The following KCNH7 variants were observed in gnomAD, a reference collection of about 807,000 sequenced individuals.
KCNH7 encodes the protein voltage-gated inwardly rectifying potassium channel KCNH7.
In KCNH7, 49 loss-of-function variants were observed where a neutral mutation model predicts 120.8. The observed-to-expected ratio is 0.41, with a 90% confidence interval of 0.32 to 0.51. The LOEUF (loss-of-function observed/expected upper bound fraction) is 0.51. Ranked by LOEUF, KCNH7 falls within the 20% of genes least tolerant of loss-of-function variation. The pLI, the probability that KCNH7 is intolerant of heterozygous loss-of-function variation, is 0.38. For missense variants in KCNH7, 1,097 were observed against 1,446.6 expected (o/e 0.76, Z 3.92); for synonymous variants, 547 against 516.1 (o/e 1.06, Z -0.81).
intron 2 of KCNH7, among the ~76,000 whole-genome samples, chr2:162,661,809 G>A (rs959162936): frequency 6.6e-6 from 1 of 152,306 alleles, no homozygotes; most frequent in African/African-American, 2.4e-5. Context: ...ACTGACAGAT[G>A]TTTCCAAAGA....
At chr2:162,542,232 C>A (rs1381863984) in intron 2 of KCNH7, among the ~76,000 whole-genome samples, 1 of 129,442 alleles carries the variant, frequency 7.7e-6, no homozygotes, top group Non-Finnish European at 1.7e-5. Flanking sequence ...CTTTTTTTTT[C>A]TTTGATGAGC....
chr2:162,469,206 A>G (rs952194815), intron 6 of KCNH7, among the ~76,000 whole-genome samples: 1 of 152,208 alleles, frequency 6.6e-6, no homozygotes, highest in Non-Finnish European at 1.5e-5. Context: ...TACTGTTATG[A>G]AATTTTATGC....
At chr2:162,630,452 G>A (rs1683725244) in intron 2 of KCNH7, among the ~76,000 whole-genome samples, 1 of 151,254 alleles carries the variant, frequency 6.6e-6, no homozygotes, top group Non-Finnish European at 1.5e-5. Flanking sequence ...GGAAGAAGAG[G>A]AATAAAAACT....
intron 2 of KCNH7, among the ~76,000 whole-genome samples, chr2:162,624,579 C>T (rs919420828): frequency 9.2e-5 from 14 of 152,102 alleles, no homozygotes; most frequent in African/African-American, 3.4e-4. Context: ...ACACTCTCAC[C>T]TATGTAAATT....
intron 6 of KCNH7, among the ~76,000 whole-genome samples, chr2:162,477,806 G>C (rs1689797220): frequency 7.0e-6 from 1 of 143,380 alleles, no homozygotes; most frequent in Admixed American, 7.0e-5. Flanking sequence ...ATAGCCTTCT[G>C]CCCAAACATC....
chr2:162,525,111 A>G (rs1691654115), intron 3 of KCNH7, among the ~76,000 whole-genome samples: 1 of 151,924 alleles, frequency 6.6e-6, no homozygotes, highest in Admixed American at 6.6e-5. Context: ...AAAGGAGCAG[A>G]TCCGATCGGT....
intron 5 of KCNH7, among the ~76,000 whole-genome samples, chr2:162,509,255 T>C (rs1690985316): frequency 2.0e-5 from 3 of 151,498 alleles, no homozygotes; most frequent in Admixed American, 1.3e-4. Flanking sequence ...TAAAGGAGAA[T>C]ATGTTTTTCT....
At chr2:162,421,269 T>C (rs1687701007) in intron 9 of KCNH7, among the ~76,000 whole-genome samples, 1 of 152,082 alleles carries the variant, frequency 6.6e-6, no homozygotes, top group South Asian at 2.1e-4. Flanking sequence ...TAGAAGATAA[T>C]GAAAGAGAAT....
In KCNH7 at chr2:162,765,100, C is replaced by CT. The variant is rs975296617; in HGVS notation, c.307+71436_307+71437insA. ...GGAGGAAAAAGAATACAAGAAGGCA[C>CT]AAAACAGAAGATCAAGCTGCTACTA... On this transcript the variant is annotated intron_variant, in intron 2 of 15. Transcript: ENST00000332142. Among the ~76,000 whole-genome samples, 47 of 151,996 alleles carry CT rather than the reference C, an allele frequency of 3.1e-4. 1 individual carries two copies. The highest frequency in any genetic ancestry group is 1.0e-3 in the African/African-American group (42 of 41,498).
chr2:162,751,817 T>C (rs768223725), intron 2 of KCNH7, among the ~76,000 whole-genome samples: 50 of 151,902 alleles, frequency 3.3e-4, no homozygotes, highest in Non-Finnish European at 5.9e-4. Context: ...TGATGTTATA[T>C]TTGCCTAAGA....
At chr2:162,697,380 A>C (rs1249995055) in intron 2 of KCNH7, among the ~76,000 whole-genome samples, 2 of 152,148 alleles carry the variant, frequency 1.3e-5, no homozygotes, top group Non-Finnish European at 2.9e-5. Context: ...CAACTATAAG[A>C]AAAATAAGGG....
At position 162,371,674 on chromosome 2, in the gene KCNH7, T is replaced by C; in HGVS notation, c.*155A>G. 1 of 857,268 alleles carries C rather than the reference T, an allele frequency of 1.2e-6. No homozygotes were observed. Among genetic ancestry groups the C allele is most frequent in the Non-Finnish European group, 1.7e-6 (1 of 582,866 alleles). The allele number at this position is 857,268 out of a possible 1,614,324, so 53.1% of individuals were successfully genotyped here. A position where few individuals can be genotyped will look rare whatever the true frequency, so the allele number is the denominator to read the frequency against. ...TATTTACATCCTAACTGCTCAGTTTTACCTTACAAGCTTCAATTTAGGAAA... is the reference window on the plus strand; with the variant it reads ...TATTTACATCCTAACTGCTCAGTTTCACCTTACAAGCTTCAATTTAGGAAA... On this transcript the variant is annotated 3_prime_UTR_variant, in exon 16 of 16. Coordinates refer to ENST00000332142, the MANE Select transcript of KCNH7 (RefSeq NM_033272.4).
chr2:162,390,057 G>A (rs1686697414), intron 12 of KCNH7, among the ~76,000 whole-genome samples: 1 of 151,876 alleles, frequency 6.6e-6, no homozygotes, highest in African/African-American at 2.4e-5. Context: ...TTTGTGCCTG[G>A]TTACACTGCT....
chr2:162,421,609 A>G (rs1687711120), intron 9 of KCNH7, among the ~76,000 whole-genome samples: 1 of 152,190 alleles, frequency 6.6e-6, no homozygotes, highest in African/African-American at 2.4e-5. Flanking sequence ...TTGGATATAA[A>G]TACCTCCTGT....
chr2:162,584,126 T>C (rs1420365024), intron 2 of KCNH7, among the ~76,000 whole-genome samples: 1 of 152,146 alleles, frequency 6.6e-6, no homozygotes, highest in African/African-American at 2.4e-5. Flanking sequence ...CTTACTTAAA[T>C]ACATGCTTAC....
chr2:162,649,413 A>G (rs1201492794), intron 2 of KCNH7, among the ~76,000 whole-genome samples: 1 of 152,234 alleles, frequency 6.6e-6, no homozygotes, highest in Non-Finnish European at 1.5e-5. Flanking sequence ...CTGTAATAAC[A>G]ACTGTCTAGT....
intron 2 of KCNH7, among the ~76,000 whole-genome samples, chr2:162,737,392 C>T (rs778634693): frequency 2.0e-5 from 3 of 152,050 alleles, no homozygotes; most frequent in Admixed American, 6.6e-5. Flanking sequence ...GGACAGGAGA[C>T]ATGGAGACCA....
At chr2:162,671,755 A>C (rs990414124) in intron 2 of KCNH7, among the ~76,000 whole-genome samples, 1 of 151,962 alleles carries the variant, frequency 6.6e-6, no homozygotes, top group Non-Finnish European at 1.5e-5. Flanking sequence ...AAAGAAATAA[A>C]TATGCTCTAA....
At chr2:162,477,512 G>A (rs549592016) in intron 6 of KCNH7, among the ~76,000 whole-genome samples, 2 of 152,228 alleles carry the variant, frequency 1.3e-5, no homozygotes, top group African/African-American at 4.8e-5. Context: ...CTTTATATGA[G>A]GGAAGTTTTA....
Sources: gnomAD v4.1 joint callset for allele counts (sites outside exome capture counted in the v4.1 genomes callset) on GRCh38, gnomAD v4.1.1 for gene constraint, MANE v1.5 for transcripts, NCBI Gene and HGNC (gene_info 2026-07-23, HGNC 2026-07-21) for gene names.